The following CHST11 variants were observed in gnomAD, a reference collection of about 807,000 sequenced individuals.
CHST11 encodes the protein carbohydrate sulfotransferase 11.
In CHST11, 9 loss-of-function variants were observed where a neutral mutation model predicts 30.4. The ratio of observed to expected loss-of-function variants is 0.30; its 90% CI spans 0.18 to 0.52. CHST11 has a LOEUF of 0.52. Among genes scored for constraint, CHST11 ranks in the 20% least tolerant of loss-of-function variants. The pLI is 0.97. For missense variants in CHST11, 348 were observed against 460.6 expected (o/e 0.76, Z 2.24); for synonymous variants, 152 against 187.8 (o/e 0.81, Z 1.56).
chr12:104,626,662 C>T (rs2039218064), intron 2 of CHST11, among the ~76,000 whole-genome samples: 1 of 149,910 alleles, frequency 6.7e-6, no homozygotes, highest in Non-Finnish European at 1.5e-5. Context: ...AGGGAATGGC[C>T]TGTTTTCCAT....
At chr12:104,694,417 C>T (rs886500913) in intron 2 of CHST11, among the ~76,000 whole-genome samples, 1 of 152,190 alleles carries the variant, frequency 6.6e-6, no homozygotes, top group Non-Finnish European at 1.5e-5. Flanking sequence ...CTGGGCGCTG[C>T]ACCAGGCCCC....
intron 1 of CHST11, among the ~76,000 whole-genome samples, chr12:104,596,287 T>C (rs1264775969): frequency 2.6e-5 from 4 of 152,192 alleles, no homozygotes; most frequent in Admixed American, 6.5e-5. Context: ...TGCTCTGCAC[T>C]CTCAGAGTGT....
chr12:104,653,990 C>T (rs991823147), intron 2 of CHST11, among the ~76,000 whole-genome samples: 4 of 152,158 alleles, frequency 2.6e-5, no homozygotes, highest in East Asian at 1.9e-4. Context: ...CCCATGGTCT[C>T]GAGCAAGCCG....
intron 1 of CHST11, among the ~76,000 whole-genome samples, chr12:104,595,608 G>A (rs1242852718): frequency 6.6e-6 from 1 of 152,210 alleles, no homozygotes; most frequent in African/African-American, 2.4e-5. Context: ...GGGAGACCTT[G>A]TTCAAAGTGA....
chr12:104,698,712 C>T (rs1013000437), intron 2 of CHST11, among the ~76,000 whole-genome samples: 1 of 152,208 alleles, frequency 6.6e-6, no homozygotes, highest in Non-Finnish European at 1.5e-5. Flanking sequence ...GAGCAAATTA[C>T]TGGAGACATG....
chr12:104,570,436 G>A (rs1028449657), intron 1 of CHST11, among the ~76,000 whole-genome samples: 4 of 151,980 alleles, frequency 2.6e-5, no homozygotes, highest in Non-Finnish European at 4.4e-5. Context: ...CCCAAGCCAC[G>A]TGCCTTCTTG....
At chr12:104,599,656 A>G (rs1322396105) in intron 1 of CHST11, among the ~76,000 whole-genome samples, 2 of 152,192 alleles carry the variant, frequency 1.3e-5, no homozygotes, top group African/African-American at 4.8e-5. Context: ...AGCCTGATCA[A>G]ATTCTAATGG....
At chr12:104,607,217 T>TAG (rs1282144161) in intron 2 of CHST11, among the ~76,000 whole-genome samples, 2 of 152,206 alleles carry the variant, frequency 1.3e-5, no homozygotes, top group Non-Finnish European at 2.9e-5. Flanking sequence ...TGCCGTGGGA[T>TAG]AGAGCATCGC....
intron 2 of CHST11, among the ~76,000 whole-genome samples, chr12:104,677,937 T>C (rs1420887423): frequency 1.3e-5 from 2 of 152,220 alleles, no homozygotes; most frequent in Non-Finnish European, 2.9e-5. Context: ...CTGTTCCCAC[T>C]CCTGGAACAT....
intron 1 of CHST11, among the ~76,000 whole-genome samples, chr12:104,543,260 C>A (rs987935447): frequency 6.6e-6 from 1 of 152,158 alleles, no homozygotes; most frequent in Non-Finnish European, 1.5e-5. Flanking sequence ...AGGATAGCAC[C>A]AAGCCATTCT....
rs201366805 is a variant in CHST11, at chr12:104,546,474, AAAAAAG to A, written c.119-55430_119-55425del. On this transcript the variant is annotated intron_variant, in intron 1 of 2. Coordinates refer to ENST00000303694, the MANE Select transcript of CHST11 (RefSeq NM_018413.6). ...CAGACCCTGTCTCAAAAAAAAAAAA[AAAAAAG>A]ATTTAAATTTCCCTTTTAAGTTTTT... Among the ~76,000 whole-genome samples, 115 of 125,570 alleles carry A rather than the reference AAAAAAG, an allele frequency of 9.2e-4. No individual in the cohort carries two copies. The East Asian group carries it at 0.012, about 13-fold the overall frequency. The allele number at this position is 125,570 out of a possible 152,430, so 82.4% of individuals were successfully genotyped here.
chr12:104,538,211 G>A (rs1406561291), intron 1 of CHST11, among the ~76,000 whole-genome samples: 3 of 152,030 alleles, frequency 2.0e-5, no homozygotes, highest in Non-Finnish European at 4.4e-5. Context: ...TCCTTATTTC[G>A]GTGATCTTGC....
intron 2 of CHST11, among the ~76,000 whole-genome samples, chr12:104,691,208 G>A (rs922456680): frequency 1.3e-5 from 2 of 152,154 alleles, no homozygotes; most frequent in African/African-American, 4.8e-5. Context: ...GGGAAGGGTT[G>A]GTTGGTTCAG....
chr12:104,466,650 G>A (rs568689721), intron 1 of CHST11, among the ~76,000 whole-genome samples: 2 of 152,324 alleles, frequency 1.3e-5, no homozygotes, highest in Admixed American at 1.3e-4. Context: ...GCCTCTGCAG[G>A]CTAGAAAGCT....
intron 2 of CHST11, among the ~76,000 whole-genome samples, chr12:104,700,591 A>G (rs2039983835): frequency 6.6e-6 from 1 of 152,202 alleles, no homozygotes; most frequent in South Asian, 2.1e-4. Context: ...CCTGTGTAAG[A>G]TGGGAGGGTT....
rs563613259 is a variant in CHST11, at chr12:104,497,261, G to A, written c.118+39732G>A. ...AATGATTATGAGGTCATTAGGATGG[G>A]CCCTAATCCAATCTGCCTGGTATTC... On this transcript the variant is annotated intron_variant, in intron 1 of 2. Coordinates refer to ENST00000303694, the MANE Select transcript of CHST11 (RefSeq NM_018413.6). 1.2e-4 allele frequency among the ~76,000 whole-genome samples: 18 copies of A among 152,254 alleles called. No individual in the cohort carries two copies. In the East Asian group the frequency reaches 2.9e-3, roughly 24 times the overall value.
chr12:104,543,134 G>A (rs1427393252), intron 1 of CHST11, among the ~76,000 whole-genome samples: 1 of 152,202 alleles, frequency 6.6e-6, no homozygotes, highest in South Asian at 2.1e-4. Flanking sequence ...GTGAAGGGGA[G>A]CCGGGGTGTC....
chr12:104,640,334 C>T (rs1470860301), intron 2 of CHST11, among the ~76,000 whole-genome samples: 1 of 152,158 alleles, frequency 6.6e-6, no homozygotes, highest in Non-Finnish European at 1.5e-5. Flanking sequence ...CCATGATACC[C>T]TTATACAGGT....
rs1275242519 is a variant in CHST11, at chr12:104,475,684, A to ATG, written c.118+18156_118+18157insGT. On this transcript the variant is annotated intron_variant, in intron 1 of 2. Coordinates refer to ENST00000303694, the MANE Select transcript of CHST11 (RefSeq NM_018413.6). ...TATATATATATATATATATATATATATATATATTTCTGATTATGAAATTAA... is the reference window on the plus strand; with the variant it reads ...TATATATATATATATATATATATATATGTATATATTTCTGATTATGAAATTAA... Among the ~76,000 whole-genome samples the ATG allele has an allele frequency of 6.5e-5, 7 of 107,692 alleles. 1 individual carries two copies. The highest frequency in any genetic ancestry group is 4.2e-3 in the Middle Eastern group (1 of 240). 70.7% of individuals were successfully genotyped at this position (107,692 alleles called of 152,430 possible).
Sources: allele counts gnomAD v4.1 joint callset (sites outside exome capture counted in the v4.1 genomes callset), GRCh38; gene constraint gnomAD v4.1.1; transcripts MANE v1.5; gene names NCBI Gene and HGNC (gene_info 2026-07-23, HGNC 2026-07-21).